The following LRP1 variants were observed in gnomAD, a reference collection of about 807,000 sequenced individuals.
LRP1 encodes LDL receptor related protein 1, also known as prolow-density lipoprotein receptor-related protein 1.
A neutral mutation model predicts 541.5 loss-of-function variants in LRP1; 51 were observed. That is an observed-to-expected ratio of 0.09 (90% confidence interval 0.08 to 0.12). The LOEUF (loss-of-function observed/expected upper bound fraction) is 0.12. Ranked by LOEUF, LRP1 falls within the 10% of genes least tolerant of loss-of-function variation. The probability of loss-of-function intolerance (pLI) is 1.00; values close to 1 mark genes in which losing one functional copy is unlikely to be tolerated. For missense variants in LRP1, 3,878 were observed against 6,376.2 expected, an observed-to-expected ratio of 0.61 and a Z score of 13.34; for synonymous variants, 2,219 against 2,470.8, an observed-to-expected ratio of 0.90 and a Z score of 3.02.
At chr12:57,191,764 CACACAT>C (rs1319569073) in intron 44 of LRP1, among the ~76,000 whole-genome samples, 3 of 131,118 alleles carry the variant, frequency 2.3e-5, no homozygotes, top group Admixed American at 8.0e-5. Context: ...AACACATACA[CACACAT>C]ACACACCCCA....
chr12:57,192,098 CCA>C (rs68003748), intron 44 of LRP1, among the ~76,000 whole-genome samples: 137,788 of 145,398 alleles, frequency 0.95, 65,685 homozygotes, highest in Non-Finnish European at 1. Context: ...CACAAACATG[CCA>C]CACACACACA....
At position 57,180,020 on chromosome 12, in the gene LRP1, CT is replaced by C. The variant is rs765279313; in HGVS notation, c.5142-24del. ...GGGCTGGGAAGAAGAGGACCCTGAC[CT>C]TTCCCTCTTGGCACCCTCCCCCCAG... On this transcript the variant is annotated intron_variant, in intron 30 of 88. Coordinates refer to ENST00000243077, the MANE Select transcript of LRP1 (RefSeq NM_002332.3). 6 of 1,613,272 alleles carry C rather than the reference CT, an allele frequency of 3.7e-6. No individual in the cohort carries two copies. The African/African-American group carries it at 6.7e-5, about 18-fold the overall frequency.
chr12:57,175,032 G>A (rs1223765225), intron 22 of LRP1, among the ~76,000 whole-genome samples: 3 of 152,086 alleles, frequency 2.0e-5, no homozygotes, highest in Admixed American at 6.5e-5. Context: ...GACCAAGGGT[G>A]GTATAGGCCC....
At chr12:57,198,091 C>A in intron 58 of LRP1, 65 bp from the exon 59 acceptor site, 1 of 1,425,860 alleles carries the variant, frequency 7.0e-7, no homozygotes. Context: ...GGCTGAGCCT[C>A]ACAGAGGCTT....
chr12:57,144,727 A>T, intron 4 of LRP1: 2 of 541,508 alleles, frequency 3.7e-6, no homozygotes, highest in Non-Finnish European at 3.3e-6. Flanking sequence ...CCTGACCCAT[A>T]GTAGGGACTC....
chr12:57,164,505 TC>T (rs1189714747), intron 15 of LRP1: 3 of 152,226 alleles, frequency 2.0e-5, no homozygotes, highest in African/African-American at 7.2e-5. Flanking sequence ...TTTGATATAA[TC>T]ACAACCCATG....
chr12:57,192,399 C>T (rs2036432483), intron 44 of LRP1, among the ~76,000 whole-genome samples: 1 of 152,174 alleles, frequency 6.6e-6, no homozygotes, highest in Admixed American at 6.5e-5. Flanking sequence ...TACCCTCACC[C>T]TGGTCACTCT....
chr12:57,177,526 T>C lies in LRP1; in HGVS notation c.4296T>C (p.Ser1432=). The stretch of plus-strand genomic sequence containing the variant: ...GCACCGTGCACCGGGAGACCGGCTC[T>C]GGGGGCTGGCCCAACGGGCTCACCG... ...GRRTVHRETG[S]GGWPNGLTVD... Residue 1432 remains serine, a synonymous_variant, in exon 26 of 89, where the codon TCT becomes TCC. Transcript: ENST00000243077. The surrounding 1 kb of genome is among the most constrained non-coding windows in gnomAD (Gnocchi z 6.8). 1.9e-6 allele frequency: 3 copies of C among 1,613,984 alleles called. No homozygotes were observed. The highest frequency in any genetic ancestry group is 2.5e-6 in the Non-Finnish European group (3 of 1,180,030).
In LRP1 at chr12:57,180,023, T is replaced by TC. The variant is rs2036130603; in HGVS notation, c.5142-21dup. On this transcript the variant is annotated intron_variant, in intron 30 of 88. Transcript: ENST00000243077. ...CTGGGAAGAAGAGGACCCTGACCTT[T>TC]CCCTCTTGGCACCCTCCCCCCAGGA... 3 of 1,613,440 alleles carry TC rather than the reference T, an allele frequency of 1.9e-6. No individual in the cohort carries two copies. The South Asian group carries it at 3.3e-5, about 18-fold the overall frequency.
chr12:57,187,484 G>A, intron 42 of LRP1, 28 bp downstream of exon 42: 1 of 1,598,874 alleles, frequency 6.3e-7, no homozygotes, highest in South Asian at 1.1e-5. Context: ...GATGGGGGTA[G>A]CAGGGAGAGG....
In LRP1 at chr12:57,183,106, C is replaced by T. The variant is rs143516139; in HGVS notation, c.5663-273C>T. ...GGGTTGGGTTGTGCTGGGTGGAGGC[C>T]GGCAGAGCACAGGGTGAGAAATCCG... On this transcript the variant is annotated intron_variant, in intron 34 of 88. Coordinates refer to ENST00000243077, the MANE Select transcript of LRP1 (RefSeq NM_002332.3). This position sits in a 1 kb window ranked among gnomAD's most constrained non-coding sequence, Gnocchi z 6.1. 6.6e-6 allele frequency among the ~76,000 whole-genome samples: 1 copy of T among 151,946 alleles called. No homozygotes were observed. The highest frequency in any genetic ancestry group is 1.5e-5 in the Non-Finnish European group (1 of 67,968).
rs760488602 is a variant in LRP1, at chr12:57,201,856, C to T, written c.10545C>T (p.Asp3515=). The change falls in exon 67 of 89, where the codon GAC becomes GAT. Residue 3515 remains aspartate, a synonymous_variant. Coordinates refer to ENST00000243077, the MANE Select transcript of LRP1 (RefSeq NM_002332.3). The surrounding 1 kb of genome is among the most constrained non-coding windows in gnomAD (Gnocchi z 6.4). ...GRCIPARWKC[D]GEDDCGDGSD... Reference sequence around the variant, plus strand: ...GCATCCCAGCGCGTTGGAAGTGTGACGGAGAGGATGACTGTGGGGATGGCT... The same window carrying T: ...GCATCCCAGCGCGTTGGAAGTGTGATGGAGAGGATGACTGTGGGGATGGCT... 8 of 1,613,988 alleles carry T rather than the reference C, an allele frequency of 5.0e-6. No individual in the cohort carries two copies. The highest frequency in any genetic ancestry group is 4.5e-5 in the East Asian group (2 of 44,890).
At chr12:57,152,152 G>A (rs2035538792) in intron 6 of LRP1, among the ~76,000 whole-genome samples, 2 of 152,154 alleles carry the variant, frequency 1.3e-5, no homozygotes, top group South Asian at 4.1e-4. Context: ...TTGTGGAGCT[G>A]CACCTGGGAT....
chr12:57,199,382 G>A lies in LRP1; in HGVS notation c.9847G>A (p.Ala3283Thr). 1 of 1,610,464 alleles carries A rather than the reference G, an allele frequency of 6.2e-7. No individual in the cohort carries two copies. ...HRPMDLHVFHALRQPDVPNHP... is the reference protein window; with the variant it reads ...HRPMDLHVFHTLRQPDVPNHP... ...GCCCATGGACCTGCATGTCTTCCAT[G>A]CCCTGCGCCAGCCAGACGGTGAGCA... Residue 3283 changes from alanine to threonine, a missense_variant, in exon 61 of 89, where the codon GCC (alanine) becomes ACC (threonine). Transcript: ENST00000243077.
At chr12:57,172,049 C>T (rs983516451) in intron 20 of LRP1, among the ~76,000 whole-genome samples, 3 of 141,670 alleles carry the variant, frequency 2.1e-5, no homozygotes, top group Non-Finnish European at 4.6e-5. Flanking sequence ...CCAGCTGTGG[C>T]GTTTTCTTTT....
At chr12:57,169,625 TG>T (rs2035907016) in intron 20 of LRP1, among the ~76,000 whole-genome samples, 1 of 152,236 alleles carries the variant, frequency 6.6e-6, no homozygotes. Flanking sequence ...GAGTTTCGTC[TG>T]CAAAGTGGGG....
intron 42 of LRP1, among the ~76,000 whole-genome samples, chr12:57,188,822 C>T (rs568827806): frequency 4.6e-5 from 7 of 152,278 alleles, no homozygotes; most frequent in South Asian, 2.1e-4. Context: ...AGTCAGGGAA[C>T]GTGTCCTTGA....
intron 15 of LRP1, among the ~76,000 whole-genome samples, chr12:57,163,719 AG>A (rs2035785003): frequency 6.6e-6 from 1 of 152,138 alleles, no homozygotes; most frequent in Non-Finnish European, 1.5e-5. Flanking sequence ...TTTTTTCCTC[AG>A]GGGGGTTATA....
chr12:57,207,985 G>A (rs1464449590), intron 76 of LRP1, 53 bp from the exon 77 acceptor site: 70 of 1,586,636 alleles, frequency 4.4e-5, no homozygotes, highest in Non-Finnish European at 5.8e-5. Flanking sequence ...GTGGCGGGGG[G>A]ATAATGGCAG....
Sources: gnomAD v4.1 joint callset for allele counts (sites outside exome capture counted in the v4.1 genomes callset) on GRCh38, gnomAD v4.1.1 for gene constraint, Gnocchi (gnomAD v3.1) non-coding constraint, MANE v1.5 for transcripts, NCBI Gene and HGNC (gene_info 2026-07-23, HGNC 2026-07-21) for gene names.